The following TGM5 variants were observed in gnomAD, a reference collection of about 807,000 sequenced individuals.
TGM5 encodes the protein transglutaminase 5.
In TGM5, 69 loss-of-function variants were observed where a neutral mutation model predicts 77.2. The observed-to-expected ratio is 0.89, with a 90% CI of 0.74 to 1.09. The LOEUF is 1.09. Ranked by LOEUF, TGM5 falls within the 50% of genes least tolerant of loss-of-function variation. The pLI is 0.00. For synonymous variants in TGM5, 346 were observed against 351.8 expected, an observed-to-expected ratio of 0.98 and a Z score of 0.18; for missense variants, 842 against 896.5, an observed-to-expected ratio of 0.94 and a Z score of 0.78.
chr15:43,256,530 C>T (rs372537698), intron 4 of TGM5, 38 bp downstream of exon 4: 102 of 1,526,024 alleles, frequency 6.7e-5, no homozygotes, highest in Admixed American at 3.7e-4. Context: ...CCCACAAGCT[C>T]GGGGCCGGGA....
At chr15:43,253,445 T>G in intron 5 of TGM5, 61 bp downstream of exon 5, 1 of 1,601,198 alleles carries the variant, frequency 6.2e-7, no homozygotes, top group Non-Finnish European at 8.5e-7. Flanking sequence ...GGGGCAACTG[T>G]GAGTGGGCAG....
rs1349483424 is a variant in TGM5 at position 43,232,846 on chromosome 15, G to A, written c.*345C>T. On this transcript the variant is annotated 3_prime_UTR_variant, in exon 13 of 13. Transcript: ENST00000220420. ...GCCCTGAAAAGAGTCCAGGGGAGCT[G>A]TGCAAATGGTCCAGGGAAATATCCA... The A allele has an allele frequency of 3.1e-6, 1 of 322,446 alleles. No individual in the cohort carries two copies. Among genetic ancestry groups the A allele is most frequent in the East Asian group, 8.2e-5 (1 of 12,220 alleles). The allele number at this position is 322,446 out of a possible 1,614,324, so 20.0% of individuals were successfully genotyped here.
Position 43,253,572 on chromosome 15 carries a change from A to G in TGM5, c.618T>C (p.Thr206=). 1.2e-6 allele frequency: 2 copies of G among 1,613,924 alleles called. No individual in the cohort carries two copies. Among genetic ancestry groups the G allele is most frequent in the South Asian group, 2.2e-5 (2 of 91,090 alleles). The part of the protein sequence containing the change: ...KLLDKSLHFQ[T]DPATDCALRG... ...GCAGAGCACAGTCTGTGGCTGGGTC[A>G]GTCTGGAAGTGCAGGCTCTTGTCTA... is the stretch of plus-strand genomic sequence containing the variant. The change falls in exon 5 of 13, where the codon ACT becomes ACC. Residue 206 remains threonine, a synonymous_variant. Coordinates refer to ENST00000220420, the MANE Select transcript of TGM5 (RefSeq NM_201631.4).
Position 43,261,074 on chromosome 15 carries a change from G to GTTT in TGM5, c.11-496_11-495insAAA, listed in dbSNP as rs1387299009. On this transcript the variant is annotated intron_variant, in intron 1 of 12. Coordinates refer to ENST00000220420, the MANE Select transcript of TGM5 (RefSeq NM_201631.4). ...AGCTGCTCTTCCTTTTTTTGTGTGT[G>GTTT]TGTTTTTTTTTTTTTTTTTTTTTTT... is the stretch of plus-strand genomic sequence containing the variant. Among the ~76,000 whole-genome samples, 116 of 73,862 alleles carry GTTT rather than the reference G, an allele frequency of 1.6e-3. 2 individuals are homozygous for GTTT. Among genetic ancestry groups the GTTT allele is most frequent in the Non-Finnish European group, 2.8e-3 (101 of 36,308 alleles). 48.5% of individuals were successfully genotyped at this position (73,862 alleles called of 152,430 possible).
chr15:43,253,499 A>G lies in TGM5; in HGVS notation c.684+7T>C, dbSNP rs751967192. On this transcript the variant is annotated splice_region_variant and intron_variant, in intron 5 of 12. Transcript: ENST00000220420. ...TCCTCCCTCCCCGGGCACGCCAGGG[A>G]CCTCACCATGGCACACACCACTCTG... is the stretch of plus-strand genomic sequence containing the variant. 5.6e-6 allele frequency: 9 copies of G among 1,611,042 alleles called. No individual in the cohort carries two copies. Among genetic ancestry groups the G allele is most frequent in the South Asian group, 1.1e-5 (1 of 91,024 alleles).
At chr15:43,237,857 C>T (rs1257494265) in intron 9 of TGM5, among the ~76,000 whole-genome samples, 1 of 152,254 alleles carries the variant, frequency 6.6e-6, no homozygotes. Context: ...CTGTCTCCCT[C>T]ACTCTGCTCC....
At chr15:43,235,959 A>G in intron 9 of TGM5, 122 bp from the exon 10 acceptor site, 2 of 1,342,902 alleles carry the variant, frequency 1.5e-6, no homozygotes, top group Non-Finnish European at 2.1e-6. Flanking sequence ...CCCAGTAACA[A>G]GCACTCCCTC....
At chr15:43,261,255 A>G (rs1051788773) in intron 1 of TGM5, among the ~76,000 whole-genome samples, 10 of 151,360 alleles carry the variant, frequency 6.6e-5, no homozygotes, top group African/African-American at 2.4e-4. Flanking sequence ...ATGCCTGGCT[A>G]ATTTTTTGTA....
Position 43,233,657 on chromosome 15 carries a change from G to C in TGM5, c.1906C>G (p.Leu636Val). Residue 636 changes from leucine (L) to valine (V), a missense_variant, in exon 12 of 13, where the codon CTC becomes GTC. Around this residue, in one of 2 missense-constraint regions of TGM5, gnomAD observed 815 missense variants for 844.6 expected, o/e 0.96. Transcript: ENST00000220420. ...VLGAAVVNQP[L>V]SIQVIFSNPL... ...TTTGAAAATATCACCTGTATGGAGAGTGGCTGGTTCACAACGGCTGCTCCT... is the reference window on the plus strand; with the variant it reads ...TTTGAAAATATCACCTGTATGGAGACTGGCTGGTTCACAACGGCTGCTCCT... 1.9e-6 allele frequency: 3 copies of C among 1,614,200 alleles called. No homozygotes were observed. Among genetic ancestry groups the C allele is most frequent in the Non-Finnish European group, 2.5e-6 (3 of 1,180,040 alleles).
chr15:43,257,035 T>C (rs939145625), intron 3 of TGM5, among the ~76,000 whole-genome samples: 2 of 152,202 alleles, frequency 1.3e-5, no homozygotes, highest in Non-Finnish European at 2.9e-5. Flanking sequence ...ACACAGCCGA[T>C]TGATTCCATA....
At chr15:43,262,509 G>A (rs752175208) in intron 1 of TGM5, among the ~76,000 whole-genome samples, 2 of 152,210 alleles carry the variant, frequency 1.3e-5, no homozygotes, top group African/African-American at 2.4e-5. Context: ...ACTTCCAGCC[G>A]GGCGTGGTGG....
In TGM5 at chr15:43,256,766, A is replaced by G. The variant is rs2042745369; in HGVS notation, c.437-80T>C. The stretch of plus-strand genomic sequence containing the variant: ...CCCATTCTCATCCCCACAGTCCCAG[A>G]GGAAACGGTTCTGGAGCAAGGGCCC... On this transcript the variant is annotated intron_variant, in intron 3 of 12. Coordinates refer to ENST00000220420, the MANE Select transcript of TGM5 (RefSeq NM_201631.4). The G allele has an allele frequency of 2.7e-6, 3 of 1,091,396 alleles. No homozygotes were observed. The African/African-American group carries it at 4.6e-5, about 17-fold the overall frequency. The allele number at this position is 1,091,396 out of a possible 1,614,324, so 67.6% of individuals were successfully genotyped here.
intron 9 of TGM5, 98 bp downstream of exon 9, chr15:43,238,719 G>A (rs1418487543): frequency 7.1e-6 from 11 of 1,540,890 alleles, no homozygotes; most frequent in African/African-American, 1.4e-5. Context: ...GGAGACAGTG[G>A]GGCTGGGTCC....
chr15:43,256,781 A>T (rs912762737), intron 3 of TGM5, 95 bp from the exon 4 acceptor site: 1 of 957,982 alleles, frequency 1.0e-6, no homozygotes, highest in African/African-American at 1.6e-5. Flanking sequence ...ACGGTTCTGG[A>T]GCAAGGGCCC....
Position 43,233,118 on chromosome 15 carries a change from G to A in TGM5, c.*73C>T. ...GAAGCCTCTGTTGTGGTGGGGAATG[G>A]CGCAGCTTGCATTTGAACTTGCTCC... is the stretch of plus-strand genomic sequence containing the variant. On this transcript the variant is annotated 3_prime_UTR_variant, in exon 13 of 13. Coordinates refer to ENST00000220420, the MANE Select transcript of TGM5 (RefSeq NM_201631.4). The A allele has an allele frequency of 6.3e-7, 1 of 1,582,050 alleles. No individual in the cohort carries two copies.
At chr15:43,251,684 A>G (rs1361746013) in intron 6 of TGM5, among the ~76,000 whole-genome samples, 1 of 151,988 alleles carries the variant, frequency 6.6e-6, no homozygotes, top group Non-Finnish European at 1.5e-5. Context: ...GAGGGTGAGG[A>G]CCCGGAGCAA....
chr15:43,253,509 G>A lies in TGM5; in HGVS notation c.681C>T (p.Ala227=). 6.2e-7 allele frequency: 1 copy of A among 1,611,876 alleles called. No homozygotes were observed. Among genetic ancestry groups the A allele is most frequent in the South Asian group, 1.1e-5 (1 of 91,034 alleles). The change falls in exon 5 of 13, where the codon GCC becomes GCT. Residue 227 remains alanine (A), a synonymous_variant. Transcript: ENST00000220420. The stretch of plus-strand genomic sequence containing the variant: ...CCGGGCACGCCAGGGACCTCACCAT[G>A]GCACACACCACTCTGCTGACGTAGA... The part of the protein sequence containing the change: ...SPVYVSRVVC[A]MINSNDDNGV...
intron 3 of TGM5, among the ~76,000 whole-genome samples, chr15:43,259,787 T>C (rs1014225640): frequency 3.9e-5 from 6 of 152,206 alleles, no homozygotes; most frequent in African/African-American, 1.4e-4. Context: ...ATGATGAAGG[T>C]AGATGTTATT....
Position 43,260,471 on chromosome 15 carries a change from T to C in TGM5, c.119A>G (p.Asn40Ser), listed in dbSNP as rs2142382382. Residue 40 changes from asparagine to serine, a missense_variant, in exon 2 of 13, where the codon AAC becomes AGC. Coordinates refer to ENST00000220420, the MANE Select transcript of TGM5 (RefSeq NM_201631.4). The stretch of plus-strand genomic sequence containing the variant: ...CCGGTTCCTGAAGTACAGGGTGAGG[T>C]TGAAGGCCTGGCCCCGGCGAACAAG... ...HLLVRRGQAF[N>S]LTLYFRNRSF... The C allele has an allele frequency of 6.2e-7, 1 of 1,614,100 alleles. No homozygotes were observed. The highest frequency in any genetic ancestry group is 1.6e-4 in the Middle Eastern group (1 of 6,062).
Sources: allele counts gnomAD v4.1 joint callset (sites outside exome capture counted in the v4.1 genomes callset), GRCh38; gene constraint gnomAD v4.1.1; regional missense constraint gnomAD v4.1.1; transcripts MANE v1.5; gene names NCBI Gene and HGNC (gene_info 2026-07-23, HGNC 2026-07-21).